LRRC10: variants seen among roughly 807,000 people sequenced by gnomAD.
LRRC10 encodes the protein leucine rich repeat containing 10, also known as leucine-rich repeat-containing protein 10.
A neutral mutation model predicts 11.1 loss-of-function variants in LRRC10; 6 were observed. The ratio of observed to expected loss-of-function variants is 0.54; its 90% confidence interval spans 0.30 to 1.07. The LOEUF (loss-of-function observed/expected upper bound fraction) is 1.07, where lower values mean the gene tolerates loss of function less well. LRRC10 is among the 50% of genes least tolerant of loss of function. The pLI is 0.07. For missense variants in LRRC10, 320 were observed against 355.5 expected (o/e 0.90, Z 0.80); for synonymous variants, 145 against 153.6 (o/e 0.94, Z 0.41).
Position 69,610,000 on chromosome 12 carries a change from G to A in LRRC10, c.*5C>T, listed in dbSNP as rs1245271019. On this transcript the variant is annotated 3_prime_UTR_variant, in exon 1 of 1. Coordinates refer to ENST00000361484, the MANE Select transcript of LRRC10 (RefSeq NM_201550.4). ...TCCTTGGCATTGACTTGCAACTGAA[G>A]CTCCTCAGGAGTTGGTAGGAGGAAG... The A allele has an allele frequency of 1.2e-6, 2 of 1,611,318 alleles. No homozygotes were observed. Among genetic ancestry groups the A allele is most frequent in the South Asian group, 1.1e-5 (1 of 90,958 alleles).
chr12:69,609,768 G>A lies in LRRC10; in HGVS notation c.*237C>T. Reference sequence around the variant, plus strand: ...GGAGAAGCTGTTTTCTTGCAAAGAAGTTATGATCTCTGGATTGTCATGCCA... The same window carrying A: ...GGAGAAGCTGTTTTCTTGCAAAGAAATTATGATCTCTGGATTGTCATGCCA... On this transcript the variant is annotated 3_prime_UTR_variant, in exon 1 of 1. Transcript: ENST00000361484. 1.1e-5 allele frequency: 6 copies of A among 546,810 alleles called. No individual in the cohort carries two copies. The highest frequency in any genetic ancestry group is 1.6e-5 in the Non-Finnish European group (5 of 306,584). 33.9% of individuals were successfully genotyped at this position (546,810 alleles called of 1,614,324 possible).
Position 69,610,518 on chromosome 12 carries a change from G to A in LRRC10, c.321C>T (p.Asn107=). ...LKQLCILYLG[N]NKLCDLPSEL... ...CACTGGGGAGGTCGCAGAGTTTGTT[G>A]TTGCCCAGGTAGAGGATGCAGAGCT... The change falls in exon 1 of 1, where the codon AAC becomes AAT. Residue 107 remains asparagine (N), a synonymous_variant. Coordinates refer to ENST00000361484, the MANE Select transcript of LRRC10 (RefSeq NM_201550.4). The A allele has an allele frequency of 6.2e-7, 1 of 1,614,158 alleles. No homozygotes were observed. The highest frequency in any genetic ancestry group is 8.5e-7 in the Non-Finnish European group (1 of 1,180,052).
In LRRC10 at chr12:69,609,880, C is replaced by T. The variant is rs1380802598; in HGVS notation, c.*125G>A. On this transcript the variant is annotated 3_prime_UTR_variant, in exon 1 of 1. Transcript: ENST00000361484. ...GATTTATGGCATTCCACCTGGCTCT[C>T]TCCATCAGTCTCTACTAGCAGAGCC... 2 of 831,066 alleles carry T rather than the reference C, an allele frequency of 2.4e-6. No individual in the cohort carries two copies. Among genetic ancestry groups the T allele is most frequent in the Admixed American group, 2.9e-5 (1 of 34,868 alleles). 51.5% of individuals were successfully genotyped at this position (831,066 alleles called of 1,614,324 possible).
Position 69,609,626 on chromosome 12 carries a change from A to G in LRRC10, c.*379T>C, listed in dbSNP as rs988087937. 4.8e-6 allele frequency: 1 copy of G among 208,118 alleles called. No homozygotes were observed. 12.9% of individuals were successfully genotyped at this position (208,118 alleles called of 1,614,324 possible). ...ACAGACCACCAGAATATTTAGTTCT[A>G]TGGCAAATACCTTATTTGAGGAGCT... On this transcript the variant is annotated 3_prime_UTR_variant, in exon 1 of 1. Coordinates refer to ENST00000361484, the MANE Select transcript of LRRC10 (RefSeq NM_201550.4).
In LRRC10 at chr12:69,610,889, G is replaced by T. The variant is rs1185753466; in HGVS notation, c.-51C>A. The T allele has an allele frequency of 1.5e-6, 2 of 1,370,406 alleles. No homozygotes were observed. Among genetic ancestry groups the T allele is most frequent in the South Asian group, 1.4e-5 (1 of 71,792 alleles). 84.9% of individuals were successfully genotyped at this position (1,370,406 alleles called of 1,614,324 possible). On this transcript the variant is annotated 5_prime_UTR_variant, in exon 1 of 1. Transcript: ENST00000361484. ...CCAGAGGACAGACTCACTGAGCGGG[G>T]CTGGCTCAGCTGACTGCTCTGGGGC...
chr12:69,610,679 G>A lies in LRRC10; in HGVS notation c.160C>T (p.Leu54=), dbSNP rs1158668537. 1 of 1,614,056 alleles carries A rather than the reference G, an allele frequency of 6.2e-7. No individual in the cohort carries two copies. Among genetic ancestry groups the A allele is most frequent in the African/African-American group, 1.3e-5 (1 of 74,944 alleles). ...TTGTCGCTCAGGTAGAGCTTGACCAGCTCCCTGAAGGAGCACACGTGCAGG... is the reference window on the plus strand; with the variant it reads ...TTGTCGCTCAGGTAGAGCTTGACCAACTCCCTGAAGGAGCACACGTGCAGG... The part of the protein sequence containing the change: ...FPLHVCSFRE[L]VKLYLSDNHL... Residue 54 remains leucine (L), a synonymous_variant, in exon 1 of 1, where the codon CTG becomes TTG. Transcript: ENST00000361484.
At position 69,610,232 on chromosome 12, in the gene LRRC10, G is replaced by T. The variant is rs143606238; in HGVS notation, c.607C>A (p.Arg203Ser). The T allele has an allele frequency of 4.3e-6, 7 of 1,614,184 alleles. No individual in the cohort carries two copies. In the East Asian group the frequency reaches 8.9e-5, roughly 21 times the overall value. ...EVIDVDWNSIRYFPSLAHLSS... is the reference protein window; with the variant it reads ...EVIDVDWNSISYFPSLAHLSS... ...AGGTGCGCCAGGCTGGGGAAGTAAC[G>T]GATGCTGTTCCAGTCCACATCAATC... The change falls in exon 1 of 1, where the codon CGT becomes AGT. Residue 203 changes from arginine to serine, a missense_variant. Physicochemically the swap from Arg to Ser is moderately radical, Grantham distance 110 (BLOSUM62 -1). Coordinates refer to ENST00000361484, the MANE Select transcript of LRRC10 (RefSeq NM_201550.4).
rs1175211144 is a variant in LRRC10 at position 69,608,931 on chromosome 12, T to C, written c.*1074A>G. On this transcript the variant is annotated 3_prime_UTR_variant, in exon 1 of 1. Coordinates refer to ENST00000361484, the MANE Select transcript of LRRC10 (RefSeq NM_201550.4). ...CAGGAATCACAACAAGGCTTGACTT[T>C]AATGAGACCACATTACCACAGAGGT... 1.3e-5 allele frequency: 2 copies of C among 152,286 alleles called. No homozygotes were observed. Among genetic ancestry groups the C allele is most frequent in the African/African-American group, 4.8e-5 (2 of 41,462 alleles). The allele number at this position is 152,286 out of a possible 1,614,324, so 9.4% of individuals were successfully genotyped here.
rs140945419 is a variant in LRRC10 at position 69,610,264 on chromosome 12, A to C, written c.575T>G (p.Leu192Arg). ...FPTVLLHMPFLEVIDVDWNSI... is the reference protein window; with the variant it reads ...FPTVLLHMPFREVIDVDWNSI... ...GTTCCAGTCCACATCAATCACCTCC[A>C]GGAAGGGCATGTGAAGCAGCACAGT... The change falls in exon 1 of 1, where the codon CTG becomes CGG. Residue 192 changes from leucine to arginine, a missense_variant. Physicochemically the swap from Leu to Arg is moderately radical, Grantham distance 102 (BLOSUM62 -2). Coordinates refer to ENST00000361484, the MANE Select transcript of LRRC10 (RefSeq NM_201550.4). 1.4e-5 allele frequency: 22 copies of C among 1,614,116 alleles called. No individual in the cohort carries two copies. The African/African-American group carries it at 2.9e-4, about 22-fold the overall frequency.
In LRRC10 at chr12:69,610,119, C is replaced by G; in HGVS notation, c.720G>C (p.Trp240Cys). Residue 240 changes from tryptophan to cysteine, a missense_variant, in exon 1 of 1, where the codon TGG (tryptophan) becomes TGC (cysteine). Transcript: ENST00000361484. ...VAKGVRRVGRWAEETPEPDPR... is the reference protein window; with the variant it reads ...VAKGVRRVGRCAEETPEPDPR... The stretch of plus-strand genomic sequence containing the variant: ...GGTCGGGCTCTGGCGTCTCCTCTGC[C>G]CATCTCCCCACACGGCGCACACCTT... The G allele has an allele frequency of 1.2e-6, 2 of 1,614,246 alleles. No homozygotes were observed. The highest frequency in any genetic ancestry group is 8.5e-7 in the Non-Finnish European group (1 of 1,180,048).
rs764949545 is a variant in LRRC10, at chr12:69,610,614, C to T, written c.225G>A (p.Gln75=). ...AATCCAAGGCCAGAATCTGCAGGTT[C>T]TGTAGCTGCCCCAGCTCCGGAGGCA... ...NSLPPELGQL[Q]NLQILALDFN... is the part of the protein sequence containing the mutation. The change falls in exon 1 of 1, where the codon CAG becomes CAA. Residue 75 remains glutamine (Q), a synonymous_variant. Transcript: ENST00000361484. The T allele has an allele frequency of 5.0e-6, 8 of 1,614,020 alleles. No homozygotes were observed. Among genetic ancestry groups the T allele is most frequent in the Non-Finnish European group, 6.8e-6 (8 of 1,180,044 alleles).
Position 69,609,898 on chromosome 12 carries a change from G to T in LRRC10, c.*107C>A. The T allele has an allele frequency of 9.6e-7, 1 of 1,037,360 alleles. No homozygotes were observed. Among genetic ancestry groups the T allele is most frequent in the Non-Finnish European group, 1.4e-6 (1 of 710,038 alleles). The allele number at this position is 1,037,360 out of a possible 1,614,324, so 64.3% of individuals were successfully genotyped here. On this transcript the variant is annotated 3_prime_UTR_variant, in exon 1 of 1. Transcript: ENST00000361484. ...TGGCTCTCTCCATCAGTCTCTACTA[G>T]CAGAGCCACTCCCAAATGACCCAGA...
Position 69,609,916 on chromosome 12 carries a change from G to A in LRRC10, c.*89C>T, listed in dbSNP as rs1882337887. The A allele has an allele frequency of 7.8e-7, 1 of 1,281,390 alleles. No homozygotes were observed. The highest frequency in any genetic ancestry group is 1.1e-6 in the Non-Finnish European group (1 of 922,300). The allele number at this position is 1,281,390 out of a possible 1,614,324, so 79.4% of individuals were successfully genotyped here. On this transcript the variant is annotated 3_prime_UTR_variant, in exon 1 of 1. Coordinates refer to ENST00000361484, the MANE Select transcript of LRRC10 (RefSeq NM_201550.4). ...TCTACTAGCAGAGCCACTCCCAAAT[G>A]ACCCAGAGCCATCCTTTCCACTCCA...
Position 69,610,599 on chromosome 12 carries a change from C to A in LRRC10, c.240G>T (p.Leu80=), listed in dbSNP as rs753853282. Residue 80 remains leucine (L), a synonymous_variant, in exon 1 of 1, where the codon CTG becomes CTT. Transcript: ENST00000361484. The part of the protein sequence containing the change: ...ELGQLQNLQI[L]ALDFNNFKAL... ...CCTTGAAGTTGTTGAAATCCAAGGC[C>A]AGAATCTGCAGGTTCTGTAGCTGCC... 2.5e-6 allele frequency: 4 copies of A among 1,613,966 alleles called. No homozygotes were observed. The Admixed American group carries it at 5.0e-5, about 20-fold the overall frequency.
At position 69,610,456 on chromosome 12, in the gene LRRC10, A is replaced by G; in HGVS notation, c.383T>C (p.Ile128Thr). Residue 128 changes from isoleucine to threonine, a missense_variant, in exon 1 of 1, where the codon ATC becomes ACC. Coordinates refer to ENST00000361484, the MANE Select transcript of LRRC10 (RefSeq NM_201550.4). ...SLLQNLRTLW[I>T]EANCLTQLPD... ...CAGCTGGGTGAGGCAGTTGGCCTCG[A>G]TCCACAGGGTCCTGAGGTTCTGGAG... 6.2e-7 allele frequency: 1 copy of G among 1,614,096 alleles called. No homozygotes were observed. Among genetic ancestry groups the G allele is most frequent in the African/African-American group, 1.3e-5 (1 of 75,058 alleles).
Position 69,610,633 on chromosome 12 carries a change from G to A in LRRC10, c.206C>T (p.Pro69Leu), listed in dbSNP as rs140389574. ...LSDNHLNSLP[P>L]ELGQLQNLQI... ...CAGGTTCTGTAGCTGCCCCAGCTCC[G>A]GAGGCAGGCTATTGAGGTGGTTGTC... Residue 69 changes from proline to leucine, a missense_variant, in exon 1 of 1, where the codon CCG becomes CTG. Physicochemically the swap from Pro to Leu is moderately conservative, Grantham distance 98 (BLOSUM62 -3). Transcript: ENST00000361484. The A allele has an allele frequency of 1.1e-3, 1,815 of 1,614,046 alleles. 25 individuals are homozygous for A. In the South Asian group the frequency reaches 0.018, roughly 16 times the overall value.
Position 69,609,896 on chromosome 12 carries a change from T to C in LRRC10, c.*109A>G. The C allele has an allele frequency of 2.0e-6, 2 of 1,015,610 alleles. No homozygotes were observed. The highest frequency in any genetic ancestry group is 2.9e-6 in the Non-Finnish European group (2 of 691,880). 62.9% of individuals were successfully genotyped at this position (1,015,610 alleles called of 1,614,324 possible). ...CCTGGCTCTCTCCATCAGTCTCTAC[T>C]AGCAGAGCCACTCCCAAATGACCCA... On this transcript the variant is annotated 3_prime_UTR_variant, in exon 1 of 1. Coordinates refer to ENST00000361484, the MANE Select transcript of LRRC10 (RefSeq NM_201550.4).
chr12:69,610,091 T>C lies in LRRC10; in HGVS notation c.748A>G (p.Arg250Gly), dbSNP rs1266512816. The change falls in exon 1 of 1, where the codon AGA becomes GGA. Residue 250 changes from arginine to glycine, a missense_variant. Coordinates refer to ENST00000361484, the MANE Select transcript of LRRC10 (RefSeq NM_201550.4). Reference protein sequence around the residue: ...WAEETPEPDPRKARRYALVRE... With the variant: ...WAEETPEPDPGKARRYALVRE... Reference sequence around the variant, plus strand: ...ACCAACGCATAGCGCCTGGCTTTTCTAGGGTCGGGCTCTGGCGTCTCCTCT... The same window carrying C: ...ACCAACGCATAGCGCCTGGCTTTTCCAGGGTCGGGCTCTGGCGTCTCCTCT... 3.7e-6 allele frequency: 6 copies of C among 1,614,226 alleles called. No individual in the cohort carries two copies. The highest frequency in any genetic ancestry group is 5.1e-6 in the Non-Finnish European group (6 of 1,180,034).
rs1882365793 is a variant in LRRC10 at position 69,610,753 on chromosome 12, G to A, written c.86C>T (p.Pro29Leu). Reference protein sequence around the residue: ...NYVVRDLREMPLDKMVDLSGS... With the variant: ...NYVVRDLREMLLDKMVDLSGS... ...ACTCAGATCCACCATCTTGTCCAGC[G>A]GCATCTCACGGAGGTCCCTGACCAC... Residue 29 changes from proline (P) to leucine (L), a missense_variant, in exon 1 of 1, where the codon CCG (proline) becomes CTG (leucine). Pro to Leu is a moderately conservative substitution (Grantham distance 98). Coordinates refer to ENST00000361484, the MANE Select transcript of LRRC10 (RefSeq NM_201550.4). 3.1e-6 allele frequency: 5 copies of A among 1,614,070 alleles called. No individual in the cohort carries two copies. Among genetic ancestry groups the A allele is most frequent in the Middle Eastern group, 1.6e-4 (1 of 6,062 alleles).
Sources: gnomAD v4.1 joint callset for allele counts on GRCh38, gnomAD v4.1.1 for gene constraint, MANE v1.5 for transcripts, NCBI Gene and HGNC (gene_info 2026-07-23, HGNC 2026-07-21) for gene names.